Variants in LRP1B observed in about 807,000 individuals in gnomAD.
The protein encoded by LRP1B is low-density lipoprotein receptor-related protein 1B.
Under a neutral mutation model 556.6 loss-of-function variants are expected in LRP1B, and 217 were observed. The observed-to-expected ratio is 0.39, with a 90% CI of 0.35 to 0.44. The LOEUF is 0.44. Ranked by LOEUF, LRP1B falls within the 20% of genes least tolerant of loss-of-function variation. LRP1B has a pLI of 1.00. For missense variants in LRP1B, 5,053 were observed against 5,620.8 expected (o/e 0.90, Z 3.23); for synonymous variants, 2,047 against 1,865.8 (o/e 1.10, Z -2.50).
intron 66 of LRP1B, among the ~76,000 whole-genome samples, chr2:140,413,425 G>A (rs1435098507): frequency 1.3e-5 from 2 of 152,062 alleles, no homozygotes; most frequent in African/African-American, 4.8e-5. Flanking sequence ...ATCTGTCACC[G>A]TGAACCTCTG....
At chr2:140,680,775 G>T (rs1685833496) in intron 41 of LRP1B, among the ~76,000 whole-genome samples, 1 of 152,092 alleles carries the variant, frequency 6.6e-6, no homozygotes. Context: ...GAGCTAATGT[G>T]ACCCAGGTCT....
intron 1 of LRP1B, among the ~76,000 whole-genome samples, chr2:141,853,883 G>C (rs1250982387): frequency 6.6e-6 from 1 of 151,820 alleles, no homozygotes; most frequent in African/African-American, 2.4e-5. Context: ...GTCACATATT[G>C]ATATTTTATG....
At chr2:142,092,791 A>G (rs1706221583) in intron 1 of LRP1B, among the ~76,000 whole-genome samples, 1 of 152,172 alleles carries the variant, frequency 6.6e-6, no homozygotes, top group Non-Finnish European at 1.5e-5. Context: ...TAAAATAGAT[A>G]TTAACAACAA....
intron 37 of LRP1B, among the ~76,000 whole-genome samples, chr2:140,703,331 A>C (rs1288551742): frequency 6.6e-6 from 1 of 152,204 alleles, no homozygotes; most frequent in East Asian, 1.9e-4. Flanking sequence ...TGCCAAAATA[A>C]AACAACATGT....
intron 42 of LRP1B, among the ~76,000 whole-genome samples, chr2:140,599,534 T>C (rs942894575): frequency 2.0e-5 from 3 of 152,124 alleles, no homozygotes; most frequent in African/African-American, 7.2e-5. Flanking sequence ...TATGTGGTTT[T>C]GAGTATTTTA....
At position 140,877,933 on chromosome 2, in the gene LRP1B, G is replaced by A. The variant is rs182426850; in HGVS notation, c.4169+5884C>T. Among the ~76,000 whole-genome samples the A allele has an allele frequency of 3.7e-3, 559 of 152,250 alleles. 3 individuals carry two copies. The highest frequency in any genetic ancestry group is 6.5e-3 in the Admixed American group (99 of 15,284). ...CTAGATTAACTGAGACCTGTCTCAGGTTTATGGGGTTCACAGACAGCTTTA... is the reference window on the plus strand; with the variant it reads ...CTAGATTAACTGAGACCTGTCTCAGATTTATGGGGTTCACAGACAGCTTTA... On this transcript the variant is annotated intron_variant, in intron 25 of 90. Transcript: ENST00000389484.
intron 2 of LRP1B, 109 bp downstream of exon 2, chr2:141,810,157 GAAAGAAAGAAGGA>G: frequency 4.7e-6 from 2 of 424,844 alleles, no homozygotes; most frequent in South Asian, 6.4e-5. Context: ...AAGAAAGAAA[GAAAGAAAGAAGGA>G]AAGAAAGAAA....
chr2:141,169,499 T>C (rs112115260), intron 7 of LRP1B, among the ~76,000 whole-genome samples: 13 of 151,922 alleles, frequency 8.6e-5, no homozygotes, highest in African/African-American at 2.9e-4. Context: ...TACAGGTAAT[T>C]GAAGTGAGGA....
intron 7 of LRP1B, among the ~76,000 whole-genome samples, chr2:141,092,329 G>C (rs994460981): frequency 6.6e-6 from 1 of 152,222 alleles, no homozygotes; most frequent in Non-Finnish European, 1.5e-5. Flanking sequence ...GTAAGAAAGA[G>C]AGGAATCAAG....
At chr2:140,745,958 G>A (rs1330545720) in intron 35 of LRP1B, among the ~76,000 whole-genome samples, 1 of 152,134 alleles carries the variant, frequency 6.6e-6, no homozygotes, top group Non-Finnish European at 1.5e-5. Context: ...ATTGTGATAT[G>A]CATTCCAACA....
intron 3 of LRP1B, among the ~76,000 whole-genome samples, chr2:141,409,584 A>G (rs1690773196): frequency 6.6e-6 from 1 of 152,106 alleles, no homozygotes; most frequent in Admixed American, 6.5e-5. Flanking sequence ...TATGTCTACT[A>G]TGTGGAAAAT....
intron 62 of LRP1B, among the ~76,000 whole-genome samples, chr2:140,454,694 G>T (rs901043579): frequency 5.9e-5 from 9 of 152,078 alleles, no homozygotes; most frequent in African/African-American, 1.9e-4. Context: ...TTCTTTCAGG[G>T]TGAGTTAGGT....
chr2:140,492,086 G>A (rs114231977), intron 57 of LRP1B, among the ~76,000 whole-genome samples: 2,390 of 152,176 alleles, frequency 0.016, 25 homozygotes, highest in Non-Finnish European at 0.026. Flanking sequence ...TTCATCTGAC[G>A]TGTTTATTTT....
intron 7 of LRP1B, among the ~76,000 whole-genome samples, chr2:141,095,577 T>C (rs1157255000): frequency 1.3e-5 from 2 of 151,920 alleles, no homozygotes; most frequent in African/African-American, 2.4e-5. Context: ...ATCTTTACTC[T>C]CTTGATTATA....
chr2:141,301,040 A>C (rs185740055), intron 3 of LRP1B, among the ~76,000 whole-genome samples: 1 of 152,186 alleles, frequency 6.6e-6, no homozygotes, highest in African/African-American at 2.4e-5. Flanking sequence ...TTATTGTCCA[A>C]ATGAAAAAGA....
intron 1 of LRP1B, among the ~76,000 whole-genome samples, chr2:142,104,401 T>C (rs1346944852): frequency 1.3e-5 from 2 of 152,116 alleles, no homozygotes; most frequent in African/African-American, 4.8e-5. Context: ...CTTTATTCCT[T>C]TTGCAGAGGG....
intron 3 of LRP1B, among the ~76,000 whole-genome samples, chr2:141,457,043 G>A (rs144594597): frequency 1.1e-4 from 16 of 152,264 alleles, no homozygotes; most frequent in African/African-American, 2.9e-4. Flanking sequence ...ATCAGGTGAC[G>A]AAAAACAACT....
chr2:141,043,956 C>T (rs1190962050), intron 11 of LRP1B, among the ~76,000 whole-genome samples: 2 of 151,878 alleles, frequency 1.3e-5, no homozygotes, highest in South Asian at 2.1e-4. Context: ...GAGCTCGCAT[C>T]ACCAAGTCCA....
At chr2:141,558,995 A>G (rs190752880) in intron 2 of LRP1B, among the ~76,000 whole-genome samples, 20 of 151,688 alleles carry the variant, frequency 1.3e-4, no homozygotes, top group African/African-American at 4.8e-4. Flanking sequence ...CTTTAGCCTT[A>G]GGTTATTAAT....
Sources: gnomAD v4.1 joint callset for allele counts (sites outside exome capture counted in the v4.1 genomes callset) on GRCh38, gnomAD v4.1.1 for gene constraint, MANE v1.5 for transcripts, NCBI Gene and HGNC (gene_info 2026-07-23, HGNC 2026-07-21) for gene names.